GRID1: variants seen among roughly 807,000 people sequenced by gnomAD.
GRID1 encodes glutamate ionotropic receptor delta type subunit 1, also known as glutamate receptor ionotropic, delta-1.
In GRID1, 28 loss-of-function variants were observed where a neutral mutation model predicts 98.0. The ratio of observed to expected loss-of-function variants is 0.29; its 90% CI spans 0.21 to 0.39. The LOEUF (loss-of-function observed/expected upper bound fraction) is 0.39. Ranked by LOEUF, GRID1 falls within the 10% of genes least tolerant of loss-of-function variation. GRID1 has a pLI of 1.00. For missense variants in GRID1, 1,111 were observed against 1,340.5 expected, an observed-to-expected ratio of 0.83 and a Z score of 2.67; for synonymous variants, 553 against 538.5, an observed-to-expected ratio of 1.03 and a Z score of -0.37.
intron 8 of GRID1, among the ~76,000 whole-genome samples, chr10:85,740,445 C>T (rs975291083): frequency 3.9e-5 from 6 of 152,150 alleles, no homozygotes; most frequent in African/African-American, 2.4e-5. Flanking sequence ...TGAAGTCTGA[C>T]AAGACACTTC....
chr10:86,147,443 C>T (rs1845104809), intron 3 of GRID1, among the ~76,000 whole-genome samples: 1 of 152,198 alleles, frequency 6.6e-6, no homozygotes, highest in Non-Finnish European at 1.5e-5. Flanking sequence ...TCAAACTATA[C>T]TATAACGCTA....
intron 4 of GRID1, among the ~76,000 whole-genome samples, chr10:86,094,995 G>A (rs1844200619): frequency 6.6e-6 from 1 of 152,092 alleles, no homozygotes; most frequent in South Asian, 2.1e-4. Flanking sequence ...TATAAAAATA[G>A]GCACATAGAC....
At chr10:85,765,644 T>C (rs961552347) in intron 8 of GRID1, among the ~76,000 whole-genome samples, 1 of 152,196 alleles carries the variant, frequency 6.6e-6, no homozygotes, top group Non-Finnish European at 1.5e-5. Context: ...TAAATGAATC[T>C]CATGTTTAGA....
At chr10:85,727,095 G>A (rs1175309953) in intron 10 of GRID1, among the ~76,000 whole-genome samples, 1 of 152,182 alleles carries the variant, frequency 6.6e-6, no homozygotes, top group African/African-American at 2.4e-5. Flanking sequence ...ATGGTGACAT[G>A]TAAGATGCTA....
intron 12 of GRID1, among the ~76,000 whole-genome samples, chr10:85,683,523 T>C (rs1841234550): frequency 6.6e-6 from 1 of 152,334 alleles, no homozygotes; most frequent in African/African-American, 2.4e-5. Context: ...ACAAAGGTCA[T>C]GAAGTCAACT....
intron 12 of GRID1, among the ~76,000 whole-genome samples, chr10:85,668,209 C>G (rs1363770097): frequency 6.6e-6 from 1 of 152,188 alleles, no homozygotes; most frequent in Non-Finnish European, 1.5e-5. Context: ...CTCAACCTGG[C>G]CCTTCCTGGC....
At chr10:85,732,065 G>A (rs59504883) in intron 8 of GRID1, among the ~76,000 whole-genome samples, 3,787 of 152,242 alleles carry the variant, frequency 0.025, 149 homozygotes, top group African/African-American at 0.087. Context: ...CAGACAAATG[G>A]GGTCAAGGGG....
At chr10:85,972,989 T>C (rs1404115063) in intron 4 of GRID1, among the ~76,000 whole-genome samples, 1 of 152,240 alleles carries the variant, frequency 6.6e-6, no homozygotes, top group African/African-American at 2.4e-5. Flanking sequence ...TGGTTATTCC[T>C]GAAGATGTTC....
intron 2 of GRID1, among the ~76,000 whole-genome samples, chr10:86,277,489 A>G (rs1461327307): frequency 6.6e-6 from 1 of 152,256 alleles, no homozygotes; most frequent in Non-Finnish European, 1.5e-5. Context: ...TAAAAAACAC[A>G]TGCATTTTTA....
At chr10:85,960,362 G>A (rs1468339545) in intron 4 of GRID1, among the ~76,000 whole-genome samples, 2 of 152,264 alleles carry the variant, frequency 1.3e-5, no homozygotes, top group East Asian at 3.8e-4. Context: ...CACACAGACA[G>A]GTGGCGAAGT....
chr10:86,039,209 C>T lies in GRID1; in HGVS notation c.726+99610G>A, dbSNP rs141091520. Among the ~76,000 whole-genome samples, 601 of 152,278 alleles carry T rather than the reference C, an allele frequency of 3.9e-3. 3 individuals carry two copies. The highest frequency in any genetic ancestry group is 0.014 in the African/African-American group (568 of 41,560). On this transcript the variant is annotated intron_variant, in intron 4 of 15. Transcript: ENST00000327946. ...CCTTGTCATTCCTCACTCCTAACCT[C>T]TCTATGGTCATTTTCCCCTATTCCT...
intron 4 of GRID1, among the ~76,000 whole-genome samples, chr10:85,920,874 A>G (rs1880384): frequency 0.26 from 40,146 of 152,010 alleles, 6,513 homozygotes; most frequent in African/African-American, 0.47. Context: ...ACTGTGGCTG[A>G]GGGACACAAA....
At chr10:85,624,156 A>G (rs1226406911) in intron 13 of GRID1, among the ~76,000 whole-genome samples, 3 of 152,194 alleles carry the variant, frequency 2.0e-5, no homozygotes, top group African/African-American at 7.2e-5. Flanking sequence ...GCTGTTTGCA[A>G]ATAGATTATT....
At chr10:86,229,856 A>G (rs1420868964) in intron 2 of GRID1, among the ~76,000 whole-genome samples, 2 of 152,136 alleles carry the variant, frequency 1.3e-5, no homozygotes, top group African/African-American at 4.8e-5. Context: ...CCTGAACCCC[A>G]GGCTAGGCTA....
chr10:86,193,166 G>A (rs1340354323), intron 3 of GRID1, among the ~76,000 whole-genome samples: 1 of 152,038 alleles, frequency 6.6e-6, no homozygotes, highest in Non-Finnish European at 1.5e-5. Flanking sequence ...TGTAGCTCAG[G>A]GTGGTTGGGG....
chr10:85,911,120 G>C (rs1303457823), intron 5 of GRID1, among the ~76,000 whole-genome samples: 1 of 152,160 alleles, frequency 6.6e-6, no homozygotes, highest in Non-Finnish European at 1.5e-5. Flanking sequence ...CAGCAGGCTG[G>C]ATGAAGTGGG....
At chr10:86,177,119 C>G (rs1190996341) in intron 3 of GRID1, among the ~76,000 whole-genome samples, 1 of 151,942 alleles carries the variant, frequency 6.6e-6, no homozygotes, top group African/African-American at 2.4e-5. Flanking sequence ...GGATCCCGAC[C>G]TCCCCCGAGA....
intron 2 of GRID1, among the ~76,000 whole-genome samples, chr10:86,259,241 A>G (rs1245730378): frequency 6.6e-6 from 1 of 152,210 alleles, no homozygotes; most frequent in East Asian, 1.9e-4. Context: ...GCCTCTTTGC[A>G]AGCTGTCAGC....
chr10:86,204,898 C>T (rs554484147), intron 3 of GRID1, among the ~76,000 whole-genome samples: 19 of 145,872 alleles, frequency 1.3e-4, no homozygotes, highest in Admixed American at 1.2e-3. Context: ...CAAGGGTTCT[C>T]GGGGAAGGCC....
Sources: allele counts gnomAD v4.1 joint callset (sites outside exome capture counted in the v4.1 genomes callset), GRCh38; gene constraint gnomAD v4.1.1; transcripts MANE v1.5; gene names NCBI Gene and HGNC (gene_info 2026-07-23, HGNC 2026-07-21).